MROH2A: variants seen among roughly 807,000 people sequenced by gnomAD.
The protein encoded by MROH2A is maestro heat like repeat family member 2A, also known as maestro heat-like repeat-containing protein family member 2A.
MROH2A carries 174 observed loss-of-function variants against 200.4 expected under a neutral mutation model. That is an observed-to-expected ratio of 0.87 (90% CI 0.77 to 0.98). The LOEUF is 0.98. Ranked by LOEUF, MROH2A falls within the 50% of genes least tolerant of loss-of-function variation. The pLI, the probability that MROH2A is intolerant of heterozygous loss-of-function variation, is 0.00. For missense variants in MROH2A, 2,045 were observed against 2,139.6 expected (o/e 0.96, Z 0.87); for synonymous variants, 829 against 840.4 (o/e 0.99, Z 0.23).
At chr2:233,787,585 ACAT>A (rs1218631998) in intron 3 of MROH2A, among the ~76,000 whole-genome samples, 6,029 of 35,754 alleles carry the variant, frequency 0.17, 1,333 homozygotes, top group East Asian at 0.48. Flanking sequence ...TATCATATAT[ACAT>A]ATATATATTA....
intron 5 of MROH2A, among the ~76,000 whole-genome samples, chr2:233,792,548 C>T (rs369373019): frequency 3.9e-5 from 6 of 152,114 alleles, no homozygotes; most frequent in East Asian, 1.9e-4. Flanking sequence ...CTCCTGACCT[C>T]GTGATCCGCC....
intron 25 of MROH2A, 129 bp downstream of exon 25, chr2:233,813,907 C>G: frequency 3.7e-6 from 2 of 538,438 alleles, no homozygotes; most frequent in Non-Finnish European, 6.7e-6. Context: ...GTAGCAAGCT[C>G]TATCAGTAAA....
intron 16 of MROH2A, 134 bp from the exon 17 acceptor site, chr2:233,803,917 C>G: frequency 8.4e-7 from 1 of 1,191,990 alleles, no homozygotes. Context: ...TGCAGGTGCA[C>G]TCTCTATTTG....
intron 14 of MROH2A, among the ~76,000 whole-genome samples, chr2:233,801,246 G>C (rs1464518209): frequency 6.6e-6 from 1 of 151,862 alleles, no homozygotes; most frequent in Non-Finnish European, 1.5e-5. Context: ...TTCTAGTCCT[G>C]GTGGCTACAA....
chr2:233,814,930 C>T (rs1703412638), intron 26 of MROH2A, among the ~76,000 whole-genome samples: 1 of 152,220 alleles, frequency 6.6e-6, no homozygotes, highest in Non-Finnish European at 1.5e-5. Context: ...CACACACACA[C>T]ATCTTTTGAA....
chr2:233,804,796 A>G (rs1260722487), intron 18 of MROH2A, among the ~76,000 whole-genome samples: 1 of 152,176 alleles, frequency 6.6e-6, no homozygotes, highest in Non-Finnish European at 1.5e-5. Context: ...CCCTTCTGCT[A>G]GCCGCCAGAG....
At chr2:233,829,816 G>C (rs183496231) in intron 38 of MROH2A, 41 bp downstream of exon 38, 2 of 1,289,770 alleles carry the variant, frequency 1.6e-6, no homozygotes, top group East Asian at 3.1e-5. Flanking sequence ...TCTGGGGCCC[G>C]CTGTTCCCCG....
intron 11 of MROH2A, among the ~76,000 whole-genome samples, 161 bp from the exon 12 acceptor site, chr2:233,798,613 G>A (rs879910345): frequency 2.6e-5 from 4 of 152,208 alleles, no homozygotes; most frequent in Non-Finnish European, 5.9e-5. Flanking sequence ...CAGAGGGGAG[G>A]GAGATGGCCA....
chr2:233,795,623 C>T (rs1193030969), intron 8 of MROH2A, 30 bp from the exon 9 acceptor site: 2 of 1,550,628 alleles, frequency 1.3e-6, no homozygotes, highest in East Asian at 2.4e-5. Flanking sequence ...GGTAGAAGGT[C>T]ACCTGCCACC....
chr2:233,798,813 G>C lies in MROH2A; in HGVS notation c.1292G>C (p.Arg431Pro), dbSNP rs779519683. Reference protein sequence around the residue: ...MSIRAIYLAIRVVKNTISDTR... With the variant: ...MSIRAIYLAIPVVKNTISDTR... ...ATCAGGGCCATCTACCTGGCTATCCGGGTAGTCAAGAACACCATCTCTGAT... is the reference window on the plus strand; with the variant it reads ...ATCAGGGCCATCTACCTGGCTATCCCGGTAGTCAAGAACACCATCTCTGAT... The change falls in exon 12 of 42, where the codon CGG becomes CCG. Residue 431 changes from arginine (R) to proline (P), a missense_variant. Arg to Pro is a moderately radical substitution (Grantham distance 103). Transcript: ENST00000389758. 6.4e-7 allele frequency: 1 copy of C among 1,550,414 alleles called. No homozygotes were observed. The highest frequency in any genetic ancestry group is 1.2e-5 in the South Asian group (1 of 84,042).
At chr2:233,777,966 C>T (rs577421789), upstream of MROH2A, among the ~76,000 whole-genome samples, 9 of 152,272 alleles carry the variant, frequency 5.9e-5, no homozygotes, top group African/African-American at 1.7e-4. Flanking sequence ...ATCCAGTCCC[C>T]GGGAAGGAGG....
At position 233,813,670 on chromosome 2, in the gene MROH2A, C is replaced by G. The variant is rs773391022; in HGVS notation, c.2652C>G (p.Ser884Arg). 17 of 1,541,432 alleles carry G rather than the reference C, an allele frequency of 1.1e-5. No homozygotes were observed. Among genetic ancestry groups the G allele is most frequent in the Non-Finnish European group, 1.5e-5 (17 of 1,139,324 alleles). ...TCTCTTGTCACTGCTTCTTCTCCAGCAAGCTGAAGCCTTTCTACTCCACAG... is the reference window on the plus strand; with the variant it reads ...TCTCTTGTCACTGCTTCTTCTCCAGGAAGCTGAAGCCTTTCTACTCCACAG... Reference protein sequence around the residue: ...ALAMEALSHLSKLKPFYSTEE... With the variant: ...ALAMEALSHLRKLKPFYSTEE... The change falls in exon 25 of 42, where the codon AGC (serine) becomes AGG (arginine). Residue 884 changes from serine to arginine, a missense_variant and splice_region_variant. Physicochemically the swap from Ser to Arg is moderately radical, Grantham distance 110 (BLOSUM62 -1). Transcript: ENST00000389758.
intron 5 of MROH2A, among the ~76,000 whole-genome samples, chr2:233,791,064 A>AACATTGC (rs1701731030): frequency 6.6e-6 from 1 of 152,164 alleles, no homozygotes; most frequent in Non-Finnish European, 1.5e-5. Flanking sequence ...TGGGGCAGAG[A>AACATTGC]AGAGCTTGGA....
intron 19 of MROH2A, among the ~76,000 whole-genome samples, chr2:233,805,869 C>T (rs547351020): frequency 1.1e-3 from 174 of 152,164 alleles, no homozygotes; most frequent in African/African-American, 3.9e-3. Flanking sequence ...AATCCACATG[C>T]AAAAGAATGA....
intron 27 of MROH2A, 82 bp from the exon 28 acceptor site, chr2:233,817,920 T>C (rs948008863): frequency 5.0e-5 from 76 of 1,508,666 alleles, no homozygotes; most frequent in Non-Finnish European, 6.8e-5. Flanking sequence ...CCCTATCAAG[T>C]TGTCCTTTAC....
chr2:233,790,333 T>C (rs1701636998), intron 5 of MROH2A, among the ~76,000 whole-genome samples: 1 of 148,932 alleles, frequency 6.7e-6, no homozygotes, highest in African/African-American at 2.5e-5. Flanking sequence ...TTTTATTGCC[T>C]GCCTTACTTA....
chr2:233,818,579 G>C, intron 28 of MROH2A, 73 bp from the exon 29 acceptor site: 1 of 924,960 alleles, frequency 1.1e-6, no homozygotes, highest in Non-Finnish European at 1.7e-6. Context: ...GCCAGGGCAG[G>C]AGGTAGCCAC....
chr2:233,787,483 TAA>T (rs1491307699), intron 3 of MROH2A, among the ~76,000 whole-genome samples: 15 of 133,326 alleles, frequency 1.1e-4, no homozygotes, highest in African/African-American at 4.0e-4. Context: ...TATACATATA[TAA>T]TATATATACA....
At chr2:233,818,817 C>T (rs911235570) in intron 29 of MROH2A, 47 bp downstream of exon 29, 8 of 1,283,940 alleles carry the variant, frequency 6.2e-6, no homozygotes, top group African/African-American at 1.5e-5. Flanking sequence ...GTCTCAGGGC[C>T]CTTGGCCGTC....
Sources: gnomAD v4.1 joint callset for allele counts (sites outside exome capture counted in the v4.1 genomes callset) on GRCh38, gnomAD v4.1.1 for gene constraint, MANE v1.5 for transcripts, NCBI Gene and HGNC (gene_info 2026-07-23, HGNC 2026-07-21) for gene names.